The following MIDEAS variants were observed in gnomAD, a reference collection of about 807,000 sequenced individuals.
The protein encoded by MIDEAS is mitotic deacetylase associated SANT domain protein.
In MIDEAS, 26 loss-of-function variants were observed where a neutral mutation model predicts 102.7. The observed-to-expected ratio is 0.25, with a 90% CI of 0.19 to 0.35. The LOEUF (loss-of-function observed/expected upper bound fraction) is 0.35, where lower values mean the gene tolerates loss of function less well. Ranked by LOEUF, MIDEAS falls within the 10% of genes least tolerant of loss-of-function variation. MIDEAS has a pLI of 1.00. For synonymous variants in MIDEAS, 585 were observed against 591.0 expected (o/e 0.99, Z 0.15); for missense variants, 1,231 against 1,435.6 (o/e 0.86, Z 2.30).
At chr14:73,733,316 G>C (rs2053162165) in intron 3 of MIDEAS, among the ~76,000 whole-genome samples, 1 of 151,150 alleles carries the variant, frequency 6.6e-6, no homozygotes, top group African/African-American at 2.4e-5. Context: ...GGCCGGGTGA[G>C]GTGGCTTACA....
At chr14:73,723,724 T>A (rs576018192) in intron 9 of MIDEAS, 2 of 152,346 alleles carry the variant, frequency 1.3e-5, no homozygotes, top group East Asian at 3.9e-4. Context: ...ATTCTACTGT[T>A]CTTTCCATTT....
intron 1 of MIDEAS, among the ~76,000 whole-genome samples, chr14:73,752,789 C>T (rs1483610349): frequency 1.3e-5 from 2 of 152,188 alleles, no homozygotes; most frequent in East Asian, 3.9e-4. Context: ...TGCTGCAGGG[C>T]CTTTTCTCCT....
At chr14:73,732,785 C>CAAAA (rs57681928) in intron 3 of MIDEAS, among the ~76,000 whole-genome samples, 27 of 46,030 alleles carry the variant, frequency 5.9e-4, no homozygotes, top group East Asian at 4.1e-3. Flanking sequence ...GACTCCCTCT[C>CAAAA]AAAAAAAAAA....
rs144598731 is a variant in MIDEAS at position 73,719,363 on chromosome 14, C to T, written c.3076G>A (p.Glu1026Lys). Residue 1026 changes from glutamate to lysine, a missense_variant, in exon 12 of 13, where the codon GAG becomes AAG. Around this residue, in one of 5 missense-constraint regions of MIDEAS, gnomAD observed 391 missense variants for 483.0 expected, o/e 0.81. Coordinates refer to ENST00000423556, the MANE Select transcript of MIDEAS (RefSeq NM_001367710.1). ...LPFSEKKKKT[E>K]TFSKTQNQEN... is the part of the protein sequence containing the mutation. ...TGATTCTGGGTCTTACTGAATGTCT[C>T]TGTTTTTTTCTTCTTCTCTGAAAAA... is the stretch of plus-strand genomic sequence containing the variant. The T allele has an allele frequency of 2.5e-6, 4 of 1,613,842 alleles. No individual in the cohort carries two copies.
Position 73,715,580 on chromosome 14 carries a change from CA to C in MIDEAS, c.*3262del, listed in dbSNP as rs1487804031. The C allele has an allele frequency of 5.9e-5, 9 of 152,374 alleles. No individual in the cohort carries two copies. Among genetic ancestry groups the C allele is most frequent in the African/African-American group, 2.2e-4 (9 of 41,440 alleles). The allele number at this position is 152,374 out of a possible 1,614,324, so 9.4% of individuals were successfully genotyped here. ...TTGTTAGAAGCAAATATTAACATAG[CA>C]AAATGTGGGGAGGACACAATTGTTT... On this transcript the variant is annotated 3_prime_UTR_variant, in exon 13 of 13. Transcript: ENST00000423556.
At position 73,725,856 on chromosome 14, in the gene MIDEAS, G is replaced by A. The variant is rs1013240424; in HGVS notation, c.2485+177C>T. On this transcript the variant is annotated intron_variant, in intron 8 of 12. Coordinates refer to ENST00000423556, the MANE Select transcript of MIDEAS (RefSeq NM_001367710.1). The surrounding 1 kb of genome is among the most constrained non-coding windows in gnomAD (Gnocchi z 4.1). ...TTCTCCCCTCCCCTCCAGGGCACAGGAAACCCCTGGAGAGCTACCCCAGCT... is the reference window on the plus strand; with the variant it reads ...TTCTCCCCTCCCCTCCAGGGCACAGAAAACCCCTGGAGAGCTACCCCAGCT... Among the ~76,000 whole-genome samples the A allele has an allele frequency of 2.6e-5, 4 of 152,064 alleles. No homozygotes were observed. Among genetic ancestry groups the A allele is most frequent in the Non-Finnish European group, 4.4e-5 (3 of 67,994 alleles).
upstream of MIDEAS, among the ~76,000 whole-genome samples, chr14:73,761,657 A>G (rs922176196): frequency 6.6e-6 from 1 of 152,156 alleles, no homozygotes; most frequent in Admixed American, 6.5e-5. Context: ...TGAATAGAGG[A>G]GCTAGGGAAA....
chr14:73,743,810 A>G (rs2053313271), intron 1 of MIDEAS, among the ~76,000 whole-genome samples: 1 of 152,048 alleles, frequency 6.6e-6, no homozygotes, highest in Admixed American at 6.5e-5. Flanking sequence ...GGAAACCCAC[A>G]GTCACCACGG....
At chr14:73,732,149 C>T (rs1333025719) in intron 3 of MIDEAS, among the ~76,000 whole-genome samples, 2 of 152,182 alleles carry the variant, frequency 1.3e-5, no homozygotes, top group African/African-American at 2.4e-5. Flanking sequence ...GGCCTCCAGC[C>T]TCTACCACAA....
In MIDEAS at chr14:73,759,399, C is replaced by G. The variant is rs139172396; in HGVS notation, c.-248+364G>C. Among the ~76,000 whole-genome samples the G allele has an allele frequency of 2.0e-3, 298 of 151,488 alleles. 1 individual carries two copies. The highest frequency in any genetic ancestry group is 6.8e-3 in the African/African-American group (283 of 41,360). On this transcript the variant is annotated intron_variant, in intron 1 of 12. Coordinates refer to ENST00000423556, the MANE Select transcript of MIDEAS (RefSeq NM_001367710.1). The surrounding 1 kb of genome is among the most constrained non-coding windows in gnomAD (Gnocchi z 6.7). ...AGCCGGATTCCCGAGCCGCCGCGGG[C>G]CGCCGGGTGGGGAGGGCTTTCCTGG...
chr14:73,752,495 G>A (rs978920422), intron 1 of MIDEAS, among the ~76,000 whole-genome samples: 1 of 152,122 alleles, frequency 6.6e-6, no homozygotes, highest in Admixed American at 6.5e-5. Flanking sequence ...TGGATGGGTC[G>A]GTGTCTGGCA....
Position 73,739,998 on chromosome 14 carries a change from T to G in MIDEAS, c.11A>C (p.Gln4Pro), listed in dbSNP as rs548417952. 2.0e-6 allele frequency: 3 copies of G among 1,494,346 alleles called. No homozygotes were observed. In the South Asian group the frequency reaches 4.2e-5, roughly 21 times the overall value. 92.6% of individuals were successfully genotyped at this position (1,494,346 alleles called of 1,614,324 possible). Residue 4 changes from glutamine to proline, a missense_variant, in exon 2 of 13, where the codon CAG becomes CCG. Around this residue, in one of 5 missense-constraint regions of MIDEAS, gnomAD observed 758 missense variants for 856.0 expected, o/e 0.89. Coordinates refer to ENST00000423556, the MANE Select transcript of MIDEAS (RefSeq NM_001367710.1). MNL[Q>P]AQPKAQNKRK... ...CTTGTTCTGAGCCTTGGGCTGGGCCTGGAGGTTCATGATGTGGCCAACTGA... is the reference window on the plus strand; with the variant it reads ...CTTGTTCTGAGCCTTGGGCTGGGCCGGGAGGTTCATGATGTGGCCAACTGA...
Position 73,737,016 on chromosome 14 carries a change from C to T in MIDEAS, c.1731G>A (p.Gly577=). 1 of 1,613,178 alleles carries T rather than the reference C, an allele frequency of 6.2e-7. No homozygotes were observed. Among genetic ancestry groups the T allele is most frequent in the Non-Finnish European group, 8.5e-7 (1 of 1,179,772 alleles). ...CTCATACCTGAGCTTGAGCATCTGT[C>T]CCGGGGATTCGGGTGGACCGCCTGC... ...VTRRRSTRIP[G]TDAQAQAEDM... Residue 577 remains glycine, a synonymous_variant, in exon 3 of 13, where the codon GGG becomes GGA. Transcript: ENST00000423556.
intron 1 of MIDEAS, among the ~76,000 whole-genome samples, chr14:73,772,707 GAATT>G (rs2053652412): frequency 1.3e-5 from 2 of 150,504 alleles, no homozygotes; most frequent in South Asian, 2.1e-4. Flanking sequence ...TTCCTTTTTA[GAATT>G]AATAAATTCT....
chr14:73,755,094 G>T (rs2053463672), intron 1 of MIDEAS: 1 of 152,246 alleles, frequency 6.6e-6, no homozygotes, highest in African/African-American at 2.4e-5. Context: ...GCACTGCCTG[G>T]AAAAAATGCT....
chr14:73,727,730 A>T (rs2053083573), intron 4 of MIDEAS: 1 of 554,254 alleles, frequency 1.8e-6, no homozygotes, highest in African/African-American at 2.0e-5. Flanking sequence ...CTCAGTTTTC[A>T]CACTCACCAA....
Position 73,724,871 on chromosome 14 carries a change from C to T in MIDEAS, c.2574+401G>A, listed in dbSNP as rs111877229. ...GGTCAAAGGAAGTGGGCAGAGGCCC[C>T]CAGGTCAGCTCCGCAGGCACTTGCT... On this transcript the variant is annotated intron_variant, in intron 9 of 12. Transcript: ENST00000423556. The T allele has an allele frequency of 1.5e-3, 287 of 190,728 alleles. 2 individuals carry two copies. Among genetic ancestry groups the T allele is most frequent in the African/African-American group, 6.2e-3 (265 of 42,976 alleles). 11.8% of individuals were successfully genotyped at this position (190,728 alleles called of 1,614,324 possible).
In MIDEAS at chr14:73,730,175, T is replaced by G. The variant is rs1403460249; in HGVS notation, c.1750-190A>C. The G allele has an allele frequency of 1.5e-5, 11 of 724,174 alleles. No homozygotes were observed. In the Admixed American group the frequency reaches 2.2e-4, roughly 15 times the overall value. The allele number at this position is 724,174 out of a possible 1,614,324, so 44.9% of individuals were successfully genotyped here. On this transcript the variant is annotated intron_variant, in intron 3 of 12. Coordinates refer to ENST00000423556, the MANE Select transcript of MIDEAS (RefSeq NM_001367710.1). The stretch of plus-strand genomic sequence containing the variant: ...TCCTCTAGGGCAGAAGTCAGCAAAC[T>G]TTTTCTGTAAGGGGCCAGAGAGTAA...
At position 73,721,324 on chromosome 14, in the gene MIDEAS, G is replaced by GGCTTTGACTGCC. The variant is rs1566581547; in HGVS notation, c.2898_2909dup (p.Ala967_Ala970dup). ...ACTCATTGGCCTGTAGTGTCTGCGT[G>GGCTTTGACTGCC]GCTTTGACTGCCGCTGCCCGCCTGC... On this transcript the variant is annotated inframe_insertion, in exon 11 of 13. Transcript: ENST00000423556. 6.2e-7 allele frequency: 1 copy of GGCTTTGACTGCC among 1,613,652 alleles called. No homozygotes were observed. The highest frequency in any genetic ancestry group is 1.7e-5 in the Admixed American group (1 of 60,020).
Sources: gnomAD v4.1 joint callset for allele counts (sites outside exome capture counted in the v4.1 genomes callset) on GRCh38, gnomAD v4.1.1 for gene constraint, gnomAD v4.1.1 regional missense constraint, Gnocchi (gnomAD v3.1) non-coding constraint, MANE v1.5 for transcripts, NCBI Gene and HGNC (gene_info 2026-07-23, HGNC 2026-07-21) for gene names.